ARHGEF10: variants seen among roughly 807,000 people sequenced by gnomAD.
ARHGEF10 encodes Rho guanine nucleotide exchange factor 10.
ARHGEF10 carries 140 observed loss-of-function variants against 147.4 expected under a neutral mutation model. The ratio of observed to expected loss-of-function variants is 0.95; its 90% CI spans 0.83 to 1.09. The LOEUF (loss-of-function observed/expected upper bound fraction) is 1.09, where lower values mean the gene tolerates loss of function less well. Ranked by LOEUF, ARHGEF10 falls within the 50% of genes least tolerant of loss-of-function variation. The pLI is 0.00. For synonymous variants in ARHGEF10, 902 were observed against 695.8 expected, an observed-to-expected ratio of 1.30 and a Z score of -4.67; for missense variants, 2,222 against 1,752.7, an observed-to-expected ratio of 1.27 and a Z score of -4.78.
At chr8:1,941,629 G>A (rs1814098959) in intron 26 of ARHGEF10, among the ~76,000 whole-genome samples, 1 of 151,768 alleles carries the variant, frequency 6.6e-6, no homozygotes, top group South Asian at 2.1e-4. Flanking sequence ...AGATTCATCT[G>A]GAAATGCAGG....
intron 26 of ARHGEF10, among the ~76,000 whole-genome samples, chr8:1,935,499 T>G (rs1319403942): frequency 6.6e-6 from 1 of 152,198 alleles, no homozygotes. Context: ...AGGGTGCCAT[T>G]TCTTCAGATT....
At chr8:1,951,307 T>A (rs1815028163) in intron 27 of ARHGEF10, among the ~76,000 whole-genome samples, 1 of 152,224 alleles carries the variant, frequency 6.6e-6, no homozygotes, top group Non-Finnish European at 1.5e-5. Context: ...GCTGCCGTGT[T>A]TCTCATTAGC....
Position 1,957,044 on chromosome 8 carries a change from A to C in ARHGEF10, c.3816A>C (p.Leu1272=). Residue 1272 remains leucine, a synonymous_variant, in exon 29 of 29, where the codon CTA becomes CTC. Coordinates refer to ENST00000349830, the MANE Select transcript of ARHGEF10 (RefSeq NM_014629.4). ...GCTTGTCTCACGGCTCCAGCTCTCT[A>C]GAGCACAGATCAGAGGACAGCACCA... ...SLSLSHGSSS[L]EHRSEDSTIY... 6.2e-7 allele frequency: 1 copy of C among 1,613,820 alleles called. No homozygotes were observed.
chr8:1,843,333 A>G lies in ARHGEF10; in HGVS notation c.-47-20A>G. ...TTTATCCACCTGAACGGTGACAAGC[A>G]GTGTCTCTCCTTCTTGCAGGAGCTC... On this transcript the variant is annotated intron_variant, in intron 1 of 28. Coordinates refer to ENST00000349830, the MANE Select transcript of ARHGEF10 (RefSeq NM_014629.4). 1 of 1,601,372 alleles carries G rather than the reference A, an allele frequency of 6.2e-7. No individual in the cohort carries two copies. Among genetic ancestry groups the G allele is most frequent in the South Asian group, 1.1e-5 (1 of 90,432 alleles).
In ARHGEF10 at chr8:1,840,592, G is replaced by A. The variant is rs573469548; in HGVS notation, c.-47-2761G>A. Among the ~76,000 whole-genome samples, 129 of 150,968 alleles carry A rather than the reference G, an allele frequency of 8.5e-4. 2 individuals carry two copies. Among genetic ancestry groups the A allele is most frequent in the African/African-American group, 3.0e-3 (124 of 41,172 alleles). Reference sequence around the variant, plus strand: ...GGACTGTCTGGTGTGGAAGCTGTCCGATATGGGGACTGTCTGATGTGGAAG... The same window carrying A: ...GGACTGTCTGGTGTGGAAGCTGTCCAATATGGGGACTGTCTGATGTGGAAG... On this transcript the variant is annotated intron_variant, in intron 1 of 28. Coordinates refer to ENST00000349830, the MANE Select transcript of ARHGEF10 (RefSeq NM_014629.4).
chr8:1,890,958 CT>C (rs1301226125), intron 11 of ARHGEF10, among the ~76,000 whole-genome samples: 1 of 152,106 alleles, frequency 6.6e-6, no homozygotes, highest in Non-Finnish European at 1.5e-5. Flanking sequence ...GGATGAAATT[CT>C]GTTTTTTGCT....
chr8:1,834,386 G>A (rs568540677), intron 1 of ARHGEF10, among the ~76,000 whole-genome samples: 3 of 152,174 alleles, frequency 2.0e-5, no homozygotes, highest in African/African-American at 4.8e-5. Context: ...TGAGCAGAGC[G>A]TAATGGTGAG....
In ARHGEF10 at chr8:1,854,567, A is replaced by G. The variant is rs550052415; in HGVS notation, c.38-3393A>G. Among the ~76,000 whole-genome samples, 474 of 152,318 alleles carry G rather than the reference A, an allele frequency of 3.1e-3. 1 individual carries two copies. Among genetic ancestry groups the G allele is most frequent in the African/African-American group, 0.01 (436 of 41,576 alleles). The stretch of plus-strand genomic sequence containing the variant: ...TCCGCCAGTGTCTGCCAGTCTTTCA[A>G]TGACAGCAGAGAGCTCTTGAATTCC... On this transcript the variant is annotated intron_variant, in intron 2 of 28. Coordinates refer to ENST00000349830, the MANE Select transcript of ARHGEF10 (RefSeq NM_014629.4).
intron 1 of ARHGEF10, among the ~76,000 whole-genome samples, chr8:1,827,674 G>T (rs1253079254): frequency 6.6e-6 from 1 of 152,058 alleles, no homozygotes; most frequent in Non-Finnish European, 1.5e-5. Context: ...GCTTTTTGTT[G>T]TATCATTAGA....
At chr8:1,858,672 C>G (rs1805804875) in intron 3 of ARHGEF10, 1 of 157,110 alleles carries the variant, frequency 6.4e-6, no homozygotes, top group Non-Finnish European at 1.4e-5. Flanking sequence ...AGAGGGACTG[C>G]TCAGGTCAGG....
chr8:1,850,584 G>C (rs147853067), intron 2 of ARHGEF10, among the ~76,000 whole-genome samples: 1 of 149,068 alleles, frequency 6.7e-6, no homozygotes, highest in Non-Finnish European at 1.5e-5. Context: ...GAGGAGGGCC[G>C]GGTGCTGGCG....
chr8:1,943,147 G>A (rs1288227332), intron 26 of ARHGEF10, among the ~76,000 whole-genome samples: 10 of 152,210 alleles, frequency 6.6e-5, no homozygotes, highest in Non-Finnish European at 1.2e-4. Context: ...TGCGGGGAGC[G>A]GCCTGCCTAG....
chr8:1,878,764 C>T (rs1039187423), intron 8 of ARHGEF10, among the ~76,000 whole-genome samples: 1 of 152,158 alleles, frequency 6.6e-6, no homozygotes, highest in Non-Finnish European at 1.5e-5. Context: ...GGAGCGGGCC[C>T]GTATCCCAGA....
intron 27 of ARHGEF10, among the ~76,000 whole-genome samples, chr8:1,946,626 G>A (rs928718234): frequency 6.6e-6 from 1 of 152,198 alleles, no homozygotes; most frequent in Non-Finnish European, 1.5e-5. Flanking sequence ...CCAAAGCCCC[G>A]CCTCCTCGCA....
chr8:1,839,942 G>A (rs1803879242), intron 1 of ARHGEF10, among the ~76,000 whole-genome samples: 1 of 150,770 alleles, frequency 6.6e-6, no homozygotes, highest in South Asian at 2.1e-4. Flanking sequence ...GTCTGGTGTG[G>A]GGACTGTCCG....
chr8:1,943,666 G>A (rs1192679544), intron 26 of ARHGEF10: 2 of 152,176 alleles, frequency 1.3e-5, no homozygotes, highest in East Asian at 3.9e-4. Flanking sequence ...TGGATTATCT[G>A]CCTAGGAACC....
At position 1,896,297 on chromosome 8, in the gene ARHGEF10, C is replaced by G. The variant is rs751688492; in HGVS notation, c.1441-36C>G. The G allele has an allele frequency of 1.2e-5, 17 of 1,444,332 alleles. No homozygotes were observed. The East Asian group carries it at 2.7e-4, about 23-fold the overall frequency. 89.5% of individuals were successfully genotyped at this position (1,444,332 alleles called of 1,614,324 possible). A position where few individuals can be genotyped will look rare whatever the true frequency, so the allele number is the denominator to read the frequency against. ...ATGTTGGAAAAGGGATATCTGGACT[C>G]TGTGATTTCTCTCTGAATTTCCTCC... On this transcript the variant is annotated intron_variant, in intron 13 of 28. Coordinates refer to ENST00000349830, the MANE Select transcript of ARHGEF10 (RefSeq NM_014629.4).
At chr8:1,923,982 C>T (rs1585557205) in intron 21 of ARHGEF10, 108 bp downstream of exon 21, 1 of 1,027,118 alleles carries the variant, frequency 9.7e-7, no homozygotes, top group Non-Finnish European at 1.5e-6. Context: ...TAGATCCATG[C>T]ATTGACCTGA....
intron 8 of ARHGEF10, among the ~76,000 whole-genome samples, 167 bp from the exon 9 acceptor site, chr8:1,879,881 C>G (rs1808033544): frequency 6.6e-6 from 1 of 152,076 alleles, no homozygotes; most frequent in East Asian, 1.9e-4. Context: ...CTCTCAAGGA[C>G]CAACTGGGCT....
Sources: allele counts gnomAD v4.1 joint callset (sites outside exome capture counted in the v4.1 genomes callset), GRCh38; gene constraint gnomAD v4.1.1; transcripts MANE v1.5; gene names NCBI Gene and HGNC (gene_info 2026-07-23, HGNC 2026-07-21).